Variants in ZHX3 observed in about 807,000 individuals in gnomAD.
The protein encoded by ZHX3 is zinc fingers and homeoboxes protein 3.
In ZHX3, 20 loss-of-function variants were observed where a neutral mutation model predicts 64.5. The observed-to-expected ratio is 0.31, with a 90% confidence interval of 0.22 to 0.45. ZHX3 has a LOEUF of 0.45. ZHX3 is among the 20% of genes least tolerant of loss of function. The pLI is 1.00. For missense variants in ZHX3, 1,041 were observed against 1,195.8 expected, an observed-to-expected ratio of 0.87 and a Z score of 1.91; for synonymous variants, 423 against 461.6, an observed-to-expected ratio of 0.92 and a Z score of 1.07.
intron 2 of ZHX3, among the ~76,000 whole-genome samples, chr20:41,215,196 G>T (rs1274484957): frequency 6.6e-6 from 1 of 152,154 alleles, no homozygotes; most frequent in Non-Finnish European, 1.5e-5. Flanking sequence ...GGCAGAGATT[G>T]CAGTGAGCCA....
chr20:41,273,311 G>C (rs2043234990), intron 1 of ZHX3, among the ~76,000 whole-genome samples: 1 of 152,094 alleles, frequency 6.6e-6, no homozygotes, highest in African/African-American at 2.4e-5. Flanking sequence ...CTCCCATTCT[G>C]CAGGTTGCCT....
At position 41,292,420 on chromosome 20, in the gene ZHX3, A is replaced by AT. The variant is rs914232788; in HGVS notation, c.-244-23338dup. Among the ~76,000 whole-genome samples, 489 of 151,874 alleles carry AT rather than the reference A, an allele frequency of 3.2e-3. 1 individual carries two copies. Among genetic ancestry groups the AT allele is most frequent in the African/African-American group, 0.011 (444 of 41,404 alleles). ...ACTTTCTAACCAATGCTTAATAGTA[A>AT]TTTTTTTTTGAAATGACCAAAAAAG... On this transcript the variant is annotated intron_variant, in intron 1 of 3. Coordinates refer to ENST00000683867, the MANE Select transcript of ZHX3 (RefSeq NM_001384317.1).
chr20:41,236,708 T>C lies in ZHX3; in HGVS notation c.-150-31642A>G, dbSNP rs372257229. 5.1e-4 allele frequency among the ~76,000 whole-genome samples: 77 copies of C among 152,300 alleles called. 1 individual carries two copies. Among genetic ancestry groups the C allele is most frequent in the East Asian group, 4.8e-3 (25 of 5,190 alleles). On this transcript the variant is annotated intron_variant, in intron 2 of 3. Transcript: ENST00000683867. ...GGCAATACCATTCAGGACATAGGCA[T>C]GGGCAAGGACTTCATGTCTAAAACA...
intron 2 of ZHX3, among the ~76,000 whole-genome samples, chr20:41,252,014 G>GT (rs926903976): frequency 1.4e-4 from 22 of 152,212 alleles, no homozygotes; most frequent in African/African-American, 3.4e-4. Context: ...AAAAAATGTT[G>GT]TTTTTTCCAA....
chr20:41,222,906 T>TA (rs11482200), intron 2 of ZHX3, among the ~76,000 whole-genome samples: 38,762 of 137,038 alleles, frequency 0.28, 5,820 homozygotes, highest in East Asian at 0.66. Context: ...GAACATTTGT[T>TA]AAAAAAAAAA....
chr20:41,308,800 G>A (rs1289943282), intron 1 of ZHX3, among the ~76,000 whole-genome samples: 1 of 152,072 alleles, frequency 6.6e-6, no homozygotes, highest in Non-Finnish European at 1.5e-5. Context: ...CAACCCCTTG[G>A]GGATAACAAC....
chr20:41,234,069 G>A (rs2040802232), intron 2 of ZHX3, among the ~76,000 whole-genome samples: 1 of 152,184 alleles, frequency 6.6e-6, no homozygotes, highest in African/African-American at 2.4e-5. Flanking sequence ...GTAGCAAAGG[G>A]TCTGACTAAG....
At chr20:41,310,801 A>ATTTT (rs72312127) in intron 1 of ZHX3, among the ~76,000 whole-genome samples, 2 of 82,138 alleles carry the variant, frequency 2.4e-5, no homozygotes, top group Non-Finnish European at 4.3e-5. Context: ...GTTAATTCTG[A>ATTTT]TTTTTTTTTT....
chr20:41,203,176 T>C lies in ZHX3; in HGVS notation c.1741A>G (p.Lys581Glu). 1.2e-6 allele frequency: 2 copies of C among 1,614,138 alleles called. No homozygotes were observed. Among genetic ancestry groups the C allele is most frequent in the Non-Finnish European group, 1.7e-6 (2 of 1,180,026 alleles). The change falls in exon 3 of 4, where the codon AAG becomes GAG. Residue 581 changes from lysine to glutamate, a missense_variant. Physicochemically the swap from Lys to Glu is moderately conservative, Grantham distance 56. Around this residue, in one of 4 missense-constraint regions of ZHX3, gnomAD observed 649 missense variants for 739.8 expected, o/e 0.88. Coordinates refer to ENST00000683867, the MANE Select transcript of ZHX3 (RefSeq NM_001384317.1). The surrounding 1 kb of genome is among the most constrained non-coding windows in gnomAD (Gnocchi z 7.1). ...GGAATGCAGGTTACCTCAGGGACCT[T>C]GGACGATGGGGAGAAGGACACCTCT... Reference protein sequence around the residue: ...VPEVSFSPSSKVPEVTCIPTT... With the variant: ...VPEVSFSPSSEVPEVTCIPTT...
rs113416151 is a variant in ZHX3 at position 41,195,446 on chromosome 20, G to A, written c.2860+6611C>T. Among the ~76,000 whole-genome samples the A allele has an allele frequency of 3.7e-3, 568 of 151,932 alleles. 5 individuals carry two copies. Among genetic ancestry groups the A allele is most frequent in the South Asian group, 0.029 (139 of 4,802 alleles). The stretch of plus-strand genomic sequence containing the variant: ...TTTTTATTTTTTGAGAAGGAGTTTC[G>A]CTCTTGTTGCCCAGGCTGGAGTGCA... On this transcript the variant is annotated intron_variant, in intron 3 of 3. Transcript: ENST00000683867. The surrounding 1 kb of genome is among the most constrained non-coding windows in gnomAD (Gnocchi z 4.2).
chr20:41,237,424 T>C (rs1031546165), intron 2 of ZHX3, among the ~76,000 whole-genome samples: 4 of 152,218 alleles, frequency 2.6e-5, no homozygotes, highest in Admixed American at 2.6e-4. Flanking sequence ...CATGGAATAC[T>C]ATGCAGCCAT....
intron 2 of ZHX3, among the ~76,000 whole-genome samples, chr20:41,211,835 T>C (rs527920402): frequency 5.3e-5 from 8 of 152,352 alleles, no homozygotes; most frequent in Non-Finnish European, 1.5e-5. Flanking sequence ...GGAATGGGCT[T>C]ACCATCTCAA....
chr20:41,313,593 C>CTTTTTTTTTTTTTTT (rs58599783), intron 1 of ZHX3, among the ~76,000 whole-genome samples: 1 of 103,782 alleles, frequency 9.6e-6, no homozygotes, highest in Non-Finnish European at 1.8e-5. Flanking sequence ...ACTTTTAGGC[C>CTTTTTTTTTTTTTTT]TTTTTTTTTT....
chr20:41,204,398 A>G lies in ZHX3; in HGVS notation c.519T>C (p.Ala173=). The change falls in exon 3 of 4, where the codon GCT becomes GCC. Residue 173 remains alanine (A), a synonymous_variant. Transcript: ENST00000683867. The surrounding 1 kb of genome is among the most constrained non-coding windows in gnomAD (Gnocchi z 6.6). ...TAATGATGATTTCTGCCTGTCCATC[A>G]GCCCCTTCAGCACTGGGCTCACCCG... The part of the protein sequence containing the change: ...DLAGEPSAEG[A]DGQAEIIITK... 6.2e-7 allele frequency: 1 copy of G among 1,614,172 alleles called. No individual in the cohort carries two copies. Among genetic ancestry groups the G allele is most frequent in the African/African-American group, 1.3e-5 (1 of 75,036 alleles).
chr20:41,239,717 G>A (rs535081278), intron 2 of ZHX3: 6 of 152,302 alleles, frequency 3.9e-5, no homozygotes, highest in African/African-American at 1.4e-4. Flanking sequence ...GGGGAGGGAG[G>A]GAGAAGAGAC....
rs1459359971 is a variant in ZHX3 at position 41,201,909 on chromosome 20, T to C, written c.2860+148A>G. On this transcript the variant is annotated intron_variant, in intron 3 of 3. Transcript: ENST00000683867. This position sits in a 1 kb window ranked among gnomAD's most constrained non-coding sequence, Gnocchi z 5.0. Reference sequence around the variant, plus strand: ...TATTCCTATGGCTTCTGCTGCTAGTTGTCCTCTGAAGCAGCCAGGCGGTTA... The same window carrying C: ...TATTCCTATGGCTTCTGCTGCTAGTCGTCCTCTGAAGCAGCCAGGCGGTTA... The C allele has an allele frequency of 3.2e-6, 3 of 923,994 alleles. No homozygotes were observed. In the East Asian group the frequency reaches 8.1e-5, roughly 25 times the overall value. 57.2% of individuals were successfully genotyped at this position (923,994 alleles called of 1,614,324 possible). A position where few individuals can be genotyped will look rare whatever the true frequency, so the allele number is the denominator to read the frequency against.
intron 2 of ZHX3, among the ~76,000 whole-genome samples, chr20:41,206,461 G>A (rs1282441067): frequency 6.6e-6 from 1 of 152,086 alleles, no homozygotes; most frequent in African/African-American, 2.4e-5. Flanking sequence ...GACCTTAAAT[G>A]ACCTGATAGA....
chr20:41,255,561 T>A (rs1047191432), intron 2 of ZHX3, among the ~76,000 whole-genome samples: 46 of 152,156 alleles, frequency 3.0e-4, no homozygotes, highest in Non-Finnish European at 1.9e-4. Context: ...ATACTACTCA[T>A]CATTTATCCA....
chr20:41,203,417 C>T lies in ZHX3; in HGVS notation c.1500G>A (p.Lys500=). 1.2e-6 allele frequency: 2 copies of T among 1,614,158 alleles called. No individual in the cohort carries two copies. Among genetic ancestry groups the T allele is most frequent in the Non-Finnish European group, 1.7e-6 (2 of 1,180,028 alleles). The change falls in exon 3 of 4, where the codon AAG becomes AAA. Residue 500 remains lysine (K), a synonymous_variant. Transcript: ENST00000683867. This position sits in a 1 kb window ranked among gnomAD's most constrained non-coding sequence, Gnocchi z 7.1. ...AFLDASIYKN[K]KSHEQLSALK... ...GAGCTGACAGCTGTTCATGAGATTTCTTATTTTTGTAGATGCTAGCATCAA... is the reference window on the plus strand; with the variant it reads ...GAGCTGACAGCTGTTCATGAGATTTTTTATTTTTGTAGATGCTAGCATCAA...
Sources: gnomAD v4.1 joint callset for allele counts (sites outside exome capture counted in the v4.1 genomes callset) on GRCh38, gnomAD v4.1.1 for gene constraint, gnomAD v4.1.1 regional missense constraint, Gnocchi (gnomAD v3.1) non-coding constraint, MANE v1.5 for transcripts, NCBI Gene and HGNC (gene_info 2026-07-23, HGNC 2026-07-21) for gene names.